Variants in RYR2 observed in about 807,000 individuals in gnomAD.
RYR2 encodes cardiac muscle ryanodine receptor-calcium release channel.
Under a neutral mutation model 601.1 loss-of-function variants are expected in RYR2, and 227 were observed. That is an observed-to-expected ratio of 0.38 (90% CI 0.34 to 0.42). The LOEUF is 0.42. Ranked by LOEUF, RYR2 falls within the 10% of genes least tolerant of loss-of-function variation. The probability of loss-of-function intolerance (pLI) is 1.00; values close to 1 mark genes in which losing one functional copy is unlikely to be tolerated. For missense variants in RYR2, 4,646 were observed against 6,156.5 expected (o/e 0.75, Z 8.21); for synonymous variants, 2,223 against 2,175.1 (o/e 1.02, Z -0.61).
intron 92 of RYR2, among the ~76,000 whole-genome samples, chr1:237,789,616 G>A (rs181653171): frequency 7.7e-4 from 71 of 92,810 alleles, no homozygotes; most frequent in African/African-American, 2.0e-3. Flanking sequence ...TTGAATGGGC[G>A]CTGCAGCACC....
rs1222041715 is a variant in RYR2, at chr1:237,656,297, A to G, written c.8129+313A>G. Among the ~76,000 whole-genome samples the G allele has an allele frequency of 7.9e-5, 12 of 152,272 alleles. No homozygotes were observed. In the East Asian group the frequency reaches 2.1e-3, roughly 27 times the overall value. On this transcript the variant is annotated intron_variant, in intron 53 of 104. Coordinates refer to ENST00000366574, the MANE Select transcript of RYR2 (RefSeq NM_001035.3). ...GAAAAATTACCCTAAATGTTTATTAATAACGACAATCAACCTCTATATAAC... is the reference window on the plus strand; with the variant it reads ...GAAAAATTACCCTAAATGTTTATTAGTAACGACAATCAACCTCTATATAAC...
intron 11 of RYR2, among the ~76,000 whole-genome samples, chr1:237,420,999 G>T (rs1705504039): frequency 6.6e-6 from 1 of 152,194 alleles, no homozygotes; most frequent in African/African-American, 2.4e-5. Context: ...CCATCACTTT[G>T]GGAGGCTGAG....
At chr1:237,649,346 C>A (rs1476521902) in intron 49 of RYR2, among the ~76,000 whole-genome samples, 1 of 152,098 alleles carries the variant, frequency 6.6e-6, no homozygotes, top group African/African-American at 2.4e-5. Context: ...ATGAAAATTT[C>A]TTTTTTCTTT....
chr1:237,381,523 A>G (rs1313919571), intron 8 of RYR2, among the ~76,000 whole-genome samples: 2 of 152,240 alleles, frequency 1.3e-5, no homozygotes, highest in Non-Finnish European at 2.9e-5. Flanking sequence ...CTTGGTGATC[A>G]GTGTCTATTG....
At chr1:237,800,916 G>A (rs1019734740) in intron 97 of RYR2, among the ~76,000 whole-genome samples, 1 of 152,222 alleles carries the variant, frequency 6.6e-6, no homozygotes, top group Admixed American at 6.5e-5. Flanking sequence ...ACCCACAACT[G>A]TAAGACAATG....
At chr1:237,562,686 T>C in intron 27 of RYR2, among the ~76,000 whole-genome samples, 1 of 152,358 alleles carries the variant, frequency 6.6e-6, no homozygotes, top group South Asian at 2.1e-4. Context: ...CCATTATTAT[T>C]ATATTCATTA....
At chr1:237,816,236 G>A (rs920642134) in intron 100 of RYR2, among the ~76,000 whole-genome samples, 24 of 152,150 alleles carry the variant, frequency 1.6e-4, no homozygotes, top group African/African-American at 2.4e-5. Context: ...AGAAATCCCC[G>A]GAGGAGAGTT....
chr1:237,257,537 A>G (rs964675555), intron 1 of RYR2, among the ~76,000 whole-genome samples: 4 of 152,202 alleles, frequency 2.6e-5, no homozygotes, highest in Non-Finnish European at 5.9e-5. Flanking sequence ...TTAAAGGTAT[A>G]GAAAGTATCA....
At chr1:237,043,423 G>C (rs1336147063) in intron 1 of RYR2, among the ~76,000 whole-genome samples, 1 of 152,186 alleles carries the variant, frequency 6.6e-6, no homozygotes, top group Admixed American at 6.5e-5. Context: ...TGGCTGCCCG[G>C]GAAAGGTTGG....
intron 1 of RYR2, among the ~76,000 whole-genome samples, chr1:237,095,852 A>G (rs184172335): frequency 1.8e-4 from 27 of 152,318 alleles, no homozygotes; most frequent in African/African-American, 5.8e-4. Context: ...AGAGAGATGG[A>G]TGTCATCAGA....
At chr1:237,604,871 G>T (rs1398777440) in intron 35 of RYR2, among the ~76,000 whole-genome samples, 1 of 152,054 alleles carries the variant, frequency 6.6e-6, no homozygotes, top group African/African-American at 2.4e-5. Flanking sequence ...GACTAAACCA[G>T]GAAGAAGTTG....
At chr1:237,231,637 G>A (rs964790380) in intron 1 of RYR2, among the ~76,000 whole-genome samples, 1 of 152,192 alleles carries the variant, frequency 6.6e-6, no homozygotes, top group Non-Finnish European at 1.5e-5. Flanking sequence ...AACAGAACAG[G>A]ATTATGAACA....
chr1:237,206,228 C>A (rs1287347894), intron 1 of RYR2, among the ~76,000 whole-genome samples: 2 of 152,162 alleles, frequency 1.3e-5, no homozygotes, highest in African/African-American at 2.4e-5. Flanking sequence ...GGAGGTGAGT[C>A]ATCACCTGAG....
At chr1:237,628,374 C>A (rs477075) in intron 41 of RYR2, among the ~76,000 whole-genome samples, 17 of 138,088 alleles carry the variant, frequency 1.2e-4, no homozygotes, top group South Asian at 7.1e-4. Context: ...TCCCCCCTCC[C>A]CCCACCCCAC....
At chr1:237,631,781 C>G (rs1489302812) in intron 42 of RYR2, among the ~76,000 whole-genome samples, 1 of 151,558 alleles carries the variant, frequency 6.6e-6, no homozygotes. Context: ...GCGCCCGCCA[C>G]CTCGCCCGGC....
At chr1:237,686,919 G>A (rs943975562) in intron 62 of RYR2, among the ~76,000 whole-genome samples, 2 of 152,120 alleles carry the variant, frequency 1.3e-5, no homozygotes, top group African/African-American at 4.8e-5. Context: ...GGATGCTTAC[G>A]TTACGTAAGG....
At chr1:237,488,522 T>TCA (rs1572554020) in intron 17 of RYR2, among the ~76,000 whole-genome samples, 1 of 152,188 alleles carries the variant, frequency 6.6e-6, no homozygotes, top group African/African-American at 2.4e-5. Context: ...AATACCATTG[T>TCA]CAGGCCTTTG....
intron 35 of RYR2, among the ~76,000 whole-genome samples, chr1:237,605,228 T>G (rs890339200): frequency 2.6e-5 from 4 of 152,274 alleles, no homozygotes; most frequent in African/African-American, 9.6e-5. Flanking sequence ...TCCACCATGA[T>G]AAAGTGGGCT....
In RYR2 at chr1:237,778,738, G is replaced by C; in HGVS notation, c.11848G>C (p.Val3950Leu). ...LWDAVVGFLHVFAHMQMKLSQ... is the reference protein window; with the variant it reads ...LWDAVVGFLHLFAHMQMKLSQ... ...GGATGCTGTGGTCGGCTTTCTTCATGTGTTTGCCCATATGCAGATGAAGCT... is the reference window on the plus strand; with the variant it reads ...GGATGCTGTGGTCGGCTTTCTTCATCTGTTTGCCCATATGCAGATGAAGCT... Residue 3950 changes from valine (V) to leucine (L), a missense_variant, in exon 88 of 105, where the codon GTG becomes CTG. Val to Leu is a conservative substitution (Grantham distance 32). Transcript: ENST00000366574. 1.2e-6 allele frequency: 2 copies of C among 1,610,540 alleles called. No individual in the cohort carries two copies.
Sources: allele counts gnomAD v4.1 joint callset (sites outside exome capture counted in the v4.1 genomes callset), GRCh38; gene constraint gnomAD v4.1.1; transcripts MANE v1.5; gene names NCBI Gene and HGNC (gene_info 2026-07-23, HGNC 2026-07-21).